INO80C: variants seen among roughly 807,000 people sequenced by gnomAD.
The protein encoded by INO80C is IES6 homolog.
In INO80C, 17 loss-of-function variants were observed where a neutral mutation model predicts 17.7. That is an observed-to-expected ratio of 0.96 (90% CI 0.66 to 1.44). The LOEUF is 1.44. Ranked by LOEUF, INO80C falls within the 40% of genes most tolerant of loss-of-function variation. The pLI is 0.00. For missense variants in INO80C, 244 were observed against 245.0 expected (o/e 1.00, Z 0.03); for synonymous variants, 96 against 95.8 (o/e 1.00, Z -0.01).
intron 2 of INO80C, 76 bp from the exon 3 acceptor site, chr18:35,479,487 A>T (rs1002284501): frequency 1.0e-5 from 9 of 857,862 alleles, no homozygotes; most frequent in Non-Finnish European, 1.8e-5. Context: ...ATTTATGCCT[A>T]ATCATAACTG....
intron 1 of INO80C, among the ~76,000 whole-genome samples, chr18:35,492,692 T>C (rs1196151144): frequency 6.6e-6 from 1 of 152,196 alleles, no homozygotes; most frequent in Non-Finnish European, 1.5e-5. Flanking sequence ...AGTCCAGCAT[T>C]ATCTGGCTGC....
At chr18:35,475,214 G>C (rs1353477313) in intron 4 of INO80C, among the ~76,000 whole-genome samples, 1 of 152,104 alleles carries the variant, frequency 6.6e-6, no homozygotes. Flanking sequence ...ATTACATAGA[G>C]ATGAACAAAG....
At chr18:35,485,852 C>A (rs894172687) in intron 1 of INO80C, among the ~76,000 whole-genome samples, 14 of 152,250 alleles carry the variant, frequency 9.2e-5, no homozygotes, top group African/African-American at 3.4e-4. Context: ...GGGCCAAGCA[C>A]AGGAACTCAT....
chr18:35,474,234 T>TATATATATAC, intron 4 of INO80C, among the ~76,000 whole-genome samples: 2 of 132,334 alleles, frequency 1.5e-5, no homozygotes, highest in Non-Finnish European at 3.2e-5. Flanking sequence ...TATATATATA[T>TATATATATAC]ATATATATAT....
At chr18:35,487,566 A>G (rs900435555) in intron 1 of INO80C, 4 of 163,166 alleles carry the variant, frequency 2.5e-5, no homozygotes, top group African/African-American at 9.6e-5. Context: ...TGCCCCCATG[A>G]TTCAATTATA....
At chr18:35,492,500 T>C (rs890544426) in intron 1 of INO80C, among the ~76,000 whole-genome samples, 1 of 152,054 alleles carries the variant, frequency 6.6e-6, no homozygotes, top group African/African-American at 2.4e-5. Context: ...ATAATAGTTG[T>C]TGGGGAAGGA....
intron 1 of INO80C, among the ~76,000 whole-genome samples, chr18:35,490,203 A>G (rs2045920007): frequency 6.6e-6 from 1 of 152,156 alleles, no homozygotes. Flanking sequence ...ACATGGGGTG[A>G]GCCGGTCCAA....
intron 4 of INO80C, among the ~76,000 whole-genome samples, chr18:35,476,439 T>C (rs924635567): frequency 3.3e-5 from 5 of 152,222 alleles, no homozygotes; most frequent in African/African-American, 1.2e-4. Flanking sequence ...ATACCATAGA[T>C]GTTAATAACA....
intron 3 of INO80C, among the ~76,000 whole-genome samples, chr18:35,478,672 T>C (rs1300898742): frequency 1.3e-5 from 2 of 152,112 alleles, no homozygotes; most frequent in Admixed American, 6.5e-5. Context: ...GGTGATGAAA[T>C]GCCAAATGAG....
intron 1 of INO80C, chr18:35,487,792 C>A (rs917625490): frequency 6.6e-6 from 1 of 152,236 alleles, no homozygotes; most frequent in African/African-American, 2.4e-5. Context: ...AAGTCTCATC[C>A]GAGACAAGGC....
intron 1 of INO80C, among the ~76,000 whole-genome samples, chr18:35,482,767 CCA>C (rs1440320620): frequency 2.0e-5 from 3 of 152,154 alleles, no homozygotes; most frequent in Admixed American, 1.3e-4. Context: ...CTTCCGCACC[CCA>C]CTCTCCCTTC....
At chr18:35,472,725 G>A (rs2045685482) in intron 4 of INO80C, among the ~76,000 whole-genome samples, 1 of 152,194 alleles carries the variant, frequency 6.6e-6, no homozygotes, top group African/African-American at 2.4e-5. Context: ...AAACAACAAT[G>A]TATGAAGATA....
intron 4 of INO80C, among the ~76,000 whole-genome samples, chr18:35,476,391 AATAATAT>A (rs1185239987): frequency 6.6e-6 from 1 of 152,260 alleles, no homozygotes; most frequent in African/African-American, 2.4e-5. Flanking sequence ...TTTAGTTAAT[AATAATAT>A]ATAACTATTG....
rs1257496683 is a variant in INO80C at position 35,497,785 on chromosome 18, A to G, written c.90T>C (p.Asn30=). The change falls in exon 1 of 5, where the codon AAT becomes AAC. Residue 30 remains asparagine, a synonymous_variant. Transcript: ENST00000334598. ...CGCCATAGCCCCCGCCGCTGCTGCCATTGTGGGAAGGGCTGGCCGGCCTCT... is the reference window on the plus strand; with the variant it reads ...CGCCATAGCCCCCGCCGCTGCTGCCGTTGTGGGAAGGGCTGGCCGGCCTCT... ...SKKRPASPSH[N]GSSGGGYGAS... 1.2e-6 allele frequency: 2 copies of G among 1,610,352 alleles called. No homozygotes were observed. The highest frequency in any genetic ancestry group is 2.2e-5 in the East Asian group (1 of 44,464).
chr18:35,492,264 C>A (rs191735630), intron 1 of INO80C, among the ~76,000 whole-genome samples: 3 of 152,146 alleles, frequency 2.0e-5, no homozygotes, highest in African/African-American at 7.2e-5. Context: ...CAAAATGCAA[C>A]CTCAATATCC....
chr18:35,497,607 A>T (rs1265672914), intron 1 of INO80C, 112 bp downstream of exon 1: 2 of 1,461,100 alleles, frequency 1.4e-6, no homozygotes, highest in Non-Finnish European at 1.8e-6. Context: ...TTCAACCCCA[A>T]CGGAGACCGC....
chr18:35,490,292 T>G (rs948538610), intron 1 of INO80C, among the ~76,000 whole-genome samples: 1 of 152,178 alleles, frequency 6.6e-6, no homozygotes, highest in Non-Finnish European at 1.5e-5. Flanking sequence ...GCCACAGGAC[T>G]ACTCAATGCC....
chr18:35,497,905 C>T lies in INO80C; in HGVS notation c.-31G>A, dbSNP rs1252393182. ...TCCGAGTCTTCCCCTGGTCCCCCCA[C>T]CTTTTTCCCAGCGCGGGCCTTGGAA... On this transcript the variant is annotated 5_prime_UTR_variant, in exon 1 of 5. The change creates a new upstream start codon in the 5' untranslated region. Transcript: ENST00000334598. 3.3e-6 allele frequency: 5 copies of T among 1,501,888 alleles called. No individual in the cohort carries two copies. The highest frequency in any genetic ancestry group is 4.4e-6 in the Non-Finnish European group (5 of 1,124,862). 93.0% of individuals were successfully genotyped at this position (1,501,888 alleles called of 1,614,324 possible). A position where few individuals can be genotyped will look rare whatever the true frequency, so the allele number is the denominator to read the frequency against.
intron 1 of INO80C, chr18:35,489,457 TG>T (rs1170783055): frequency 3.4e-5 from 6 of 178,204 alleles, no homozygotes; most frequent in African/African-American, 1.2e-4. Flanking sequence ...AACCATCAGA[TG>T]TTGTGAGGAT....
Sources: allele counts gnomAD v4.1 joint callset (sites outside exome capture counted in the v4.1 genomes callset), GRCh38; gene constraint gnomAD v4.1.1; transcripts MANE v1.5; gene names NCBI Gene and HGNC (gene_info 2026-07-23, HGNC 2026-07-21).